The following DTNBP1 variants were observed in gnomAD, a reference collection of about 807,000 sequenced individuals.
DTNBP1 encodes the protein dystrobrevin binding protein 1.
DTNBP1 carries 35 observed loss-of-function variants against 42.8 expected under a neutral mutation model. The observed-to-expected ratio is 0.82, with a 90% CI of 0.63 to 1.09. The LOEUF is 1.09. Ranked by LOEUF, DTNBP1 falls within the 50% of genes least tolerant of loss-of-function variation. The probability of loss-of-function intolerance (pLI) is 0.00; values close to 1 mark genes in which losing one functional copy is unlikely to be tolerated. For synonymous variants in DTNBP1, 171 were observed against 162.2 expected (o/e 1.05, Z -0.41); for missense variants, 457 against 424.2 (o/e 1.08, Z -0.68).
At chr6:15,636,798 G>C (rs536079130) in intron 4 of DTNBP1, among the ~76,000 whole-genome samples, 1 of 152,056 alleles carries the variant, frequency 6.6e-6, no homozygotes, top group African/African-American at 2.4e-5. Context: ...GTTTTGTTTT[G>C]TTTTAATGAC....
intron 5 of DTNBP1, among the ~76,000 whole-genome samples, chr6:15,621,567 T>C (rs1332527543): frequency 6.6e-6 from 1 of 152,206 alleles, no homozygotes; most frequent in Non-Finnish European, 1.5e-5. Context: ...CTCATGCTCT[T>C]GTGCTGAATG....
intron 3 of DTNBP1, among the ~76,000 whole-genome samples, chr6:15,641,325 G>T (rs1288961817): frequency 6.6e-6 from 1 of 152,182 alleles, no homozygotes. Flanking sequence ...ATTCTAGACA[G>T]AAAACTGAGG....
chr6:15,545,638 A>C (rs1462353582), intron 7 of DTNBP1, among the ~76,000 whole-genome samples: 2 of 152,236 alleles, frequency 1.3e-5, no homozygotes, highest in Non-Finnish European at 2.9e-5. Flanking sequence ...TTACATAACA[A>C]AGAATTCATG....
In DTNBP1 at chr6:15,523,172, T is replaced by C. The variant is rs770329378; in HGVS notation, c.859A>G (p.Asn287Asp). ...CQNEITLQVPNPSELRAKPPS... is the reference protein window; with the variant it reads ...CQNEITLQVPDPSELRAKPPS... Reference sequence around the variant, plus strand: ...GGCTTGGCTCTTAATTCTGAGGGATTTGGAACCTGGAGGGTAATCTCATTC... The same window carrying C: ...GGCTTGGCTCTTAATTCTGAGGGATCTGGAACCTGGAGGGTAATCTCATTC... Residue 287 changes from asparagine to aspartate, a missense_variant, in exon 10 of 10, where the codon AAT becomes GAT. Transcript: ENST00000344537. 4 of 1,614,214 alleles carry C rather than the reference T, an allele frequency of 2.5e-6. No individual in the cohort carries two copies. Among genetic ancestry groups the C allele is most frequent in the Admixed American group, 1.7e-5 (1 of 60,028 alleles).
intron 7 of DTNBP1, among the ~76,000 whole-genome samples, chr6:15,566,240 G>A (rs1305312563): frequency 1.9e-4 from 28 of 150,442 alleles, no homozygotes; most frequent in East Asian, 5.9e-4. Flanking sequence ...GCGTGAACCC[G>A]GGAGGCGGAG....
chr6:15,581,024 A>G (rs1317515485), intron 7 of DTNBP1, among the ~76,000 whole-genome samples: 1 of 152,226 alleles, frequency 6.6e-6, no homozygotes, highest in Non-Finnish European at 1.5e-5. Flanking sequence ...GAAGGTTGGT[A>G]GAGAGTGTGA....
At chr6:15,529,055 TGGGA>T (rs951208918) in intron 8 of DTNBP1, among the ~76,000 whole-genome samples, 12 of 152,184 alleles carry the variant, frequency 7.9e-5, no homozygotes, top group Non-Finnish European at 1.3e-4. Context: ...GAGGCCCAGG[TGGGA>T]GGATCACTCG....
chr6:15,624,118 C>G (rs1759205561), intron 5 of DTNBP1, among the ~76,000 whole-genome samples: 1 of 152,226 alleles, frequency 6.6e-6, no homozygotes. Flanking sequence ...CAGCATGTAC[C>G]AGGCACTGTG....
chr6:15,543,146 C>T (rs927392674), intron 7 of DTNBP1, among the ~76,000 whole-genome samples: 1 of 152,180 alleles, frequency 6.6e-6, no homozygotes, highest in Non-Finnish European at 1.5e-5. Flanking sequence ...ATGACTACAA[C>T]TAGCACATTT....
Position 15,637,779 on chromosome 6 carries a change from G to A in DTNBP1, c.187C>T (p.His63Tyr). Residue 63 changes from histidine (H) to tyrosine (Y), a missense_variant, in exon 4 of 10, where the codon CAC becomes TAC. By Grantham distance (83) the His-to-Tyr change is moderately conservative. Coordinates refer to ENST00000344537, the MANE Select transcript of DTNBP1 (RefSeq NM_032122.5). ...SRYEDTWAAL[H>Y]RRAKDCASAG... Reference sequence around the variant, plus strand: ...CTTGCACAGTCTTTGGCTCTTCTGTGAAGTGCAGCCCATGTATCCTCATAC... The same window carrying A: ...CTTGCACAGTCTTTGGCTCTTCTGTAAAGTGCAGCCCATGTATCCTCATAC... 6.2e-7 allele frequency: 1 copy of A among 1,613,594 alleles called. No individual in the cohort carries two copies. The highest frequency in any genetic ancestry group is 8.5e-7 in the Non-Finnish European group (1 of 1,179,990).
chr6:15,550,408 A>G (rs1774146284), intron 7 of DTNBP1, among the ~76,000 whole-genome samples: 1 of 152,214 alleles, frequency 6.6e-6, no homozygotes, highest in Non-Finnish European at 1.5e-5. Context: ...TTCCCACAAC[A>G]TTTACATATA....
chr6:15,634,262 T>C (rs780845283), intron 4 of DTNBP1, among the ~76,000 whole-genome samples: 7 of 152,216 alleles, frequency 4.6e-5, no homozygotes, highest in Non-Finnish European at 7.3e-5. Flanking sequence ...CATTTTCCTC[T>C]GGTTTCTTGT....
At chr6:15,632,039 A>C (rs1759724882) in intron 4 of DTNBP1, among the ~76,000 whole-genome samples, 1 of 152,156 alleles carries the variant, frequency 6.6e-6, no homozygotes, top group South Asian at 2.1e-4. Flanking sequence ...ATACCAAGCA[A>C]GGTTGAACAT....
At chr6:15,624,953 T>C (rs1448224259) in intron 5 of DTNBP1, among the ~76,000 whole-genome samples, 2 of 152,192 alleles carry the variant, frequency 1.3e-5, no homozygotes, top group Non-Finnish European at 2.9e-5. Flanking sequence ...ACTCACTCCA[T>C]CAAATTTGGC....
chr6:15,653,885 T>G (rs1033192037), intron 1 of DTNBP1, among the ~76,000 whole-genome samples: 1 of 149,506 alleles, frequency 6.7e-6, no homozygotes, highest in African/African-American at 2.5e-5. Context: ...ATACACAAGT[T>G]GACTCTTGCA....
At chr6:15,530,077 A>G (rs925627816) in intron 8 of DTNBP1, among the ~76,000 whole-genome samples, 1 of 152,286 alleles carries the variant, frequency 6.6e-6, no homozygotes, top group African/African-American at 2.4e-5. Flanking sequence ...TAATTAAGAA[A>G]TGATGCTTCT....
rs79116867 is a variant in DTNBP1 at position 15,637,718 on chromosome 6, G to A, written c.222+26C>T. The A allele has an allele frequency of 1.1e-3, 1,747 of 1,611,984 alleles. 34 individuals carry two copies. The Admixed American group carries it at 0.025, about 23-fold the overall frequency. Reference sequence around the variant, plus strand: ...GCACTGAAAAAGGAAAGTTTGCCACGAGTATAAGATTAGTCAATTCTTTAC... The same window carrying A: ...GCACTGAAAAAGGAAAGTTTGCCACAAGTATAAGATTAGTCAATTCTTTAC... On this transcript the variant is annotated intron_variant, in intron 4 of 9. Coordinates refer to ENST00000344537, the MANE Select transcript of DTNBP1 (RefSeq NM_032122.5).
At chr6:15,651,024 G>A (rs1760963269) in intron 3 of DTNBP1, among the ~76,000 whole-genome samples, 4 of 151,988 alleles carry the variant, frequency 2.6e-5, no homozygotes. Flanking sequence ...AAATTATTGG[G>A]GACTCAAATC....
chr6:15,640,113 C>T (rs766019161), intron 3 of DTNBP1, among the ~76,000 whole-genome samples: 2 of 152,148 alleles, frequency 1.3e-5, no homozygotes, highest in African/African-American at 2.4e-5. Context: ...TCTACTTTTA[C>T]GACATGAAGC....
Sources: allele counts gnomAD v4.1 joint callset (sites outside exome capture counted in the v4.1 genomes callset), GRCh38; gene constraint gnomAD v4.1.1; transcripts MANE v1.5; gene names NCBI Gene and HGNC (gene_info 2026-07-23, HGNC 2026-07-21).